Variants in KIF17 observed in about 807,000 individuals in gnomAD.
The protein encoded by KIF17 is kinesin-like protein KIF17.
Under a neutral mutation model 96.8 loss-of-function variants are expected in KIF17, and 80 were observed. The observed-to-expected ratio is 0.83, with a 90% CI of 0.69 to 1.00. The LOEUF (loss-of-function observed/expected upper bound fraction) is 1.00, where lower values mean the gene tolerates loss of function less well. KIF17 is among the 50% of genes least tolerant of loss of function. The probability of loss-of-function intolerance (pLI) is 0.00; values close to 1 mark genes in which losing one functional copy is unlikely to be tolerated. For missense variants in KIF17, 1,280 were observed against 1,372.9 expected (o/e 0.93, Z 1.07); for synonymous variants, 567 against 587.5 (o/e 0.97, Z 0.51).
rs1191720168 is a variant in KIF17, at chr1:20,715,544, G to A, written c.327C>T (p.Ser109=). 41 of 1,613,578 alleles carry A rather than the reference G, an allele frequency of 2.5e-5. No individual in the cohort carries two copies. Among genetic ancestry groups the A allele is most frequent in the Non-Finnish European group, 3.4e-5 (40 of 1,180,044 alleles). ...AGGCCCTGGGGATGATGCCTCTCTG[G>A]GAGGGCGGATCCGGCAGGCCCTGCA... The part of the protein sequence containing the change: ...FTMQGLPDPP[S]QRGIIPRAFE... Residue 109 remains serine, a synonymous_variant, in exon 2 of 15, where the codon TCC becomes TCT. Coordinates refer to ENST00000400463, the MANE Select transcript of KIF17 (RefSeq NM_001122819.3).
intron 6 of KIF17, among the ~76,000 whole-genome samples, chr1:20,694,671 G>A (rs1231650129): frequency 6.6e-6 from 1 of 152,248 alleles, no homozygotes; most frequent in African/African-American, 2.4e-5. Context: ...TAGGGAGGGA[G>A]AGAAGGGGAC....
chr1:20,687,739 G>A lies in KIF17; in HGVS notation c.1587C>T (p.Pro529=), dbSNP rs776735699. Residue 529 remains proline, a synonymous_variant, in exon 8 of 15, where the codon CCC becomes CCT. Coordinates refer to ENST00000400463, the MANE Select transcript of KIF17 (RefSeq NM_001122819.3). The surrounding 1 kb of genome is among the most constrained non-coding windows in gnomAD (Gnocchi z 4.4). ...AGCCCAGAGAAATCTCAGATTTGGA[G>A]GGTTCCACCTTGGGCAGCTCCGCAA... The part of the protein sequence containing the change: ...SRFAELPKVE[P]SKSEISLGSS... 8.1e-6 allele frequency: 13 copies of A among 1,614,198 alleles called. No homozygotes were observed. The South Asian group carries it at 1.3e-4, about 16-fold the overall frequency.
At chr1:20,703,499 C>G (rs6683607) in intron 5 of KIF17, among the ~76,000 whole-genome samples, 13,918 of 146,116 alleles carry the variant, frequency 0.095, 1,377 homozygotes, top group African/African-American at 0.16. Context: ...TGGATGGATG[C>G]ATGGATGGAT....
At position 20,682,755 on chromosome 1, in the gene KIF17, G is replaced by C. The variant is rs1462044202; in HGVS notation, c.2361C>G (p.Asn787Lys). The C allele has an allele frequency of 6.2e-7, 1 of 1,613,264 alleles. No homozygotes were observed. The highest frequency in any genetic ancestry group is 1.7e-5 in the Admixed American group (1 of 60,024). ...RRKQLVAALQNSDEDSGDWVL... is the reference protein window; with the variant it reads ...RRKQLVAALQKSDEDSGDWVL... Reference sequence around the variant, plus strand: ...CCCAGTCCCCGCTGTCCTCATCCGAGTTCTGCAGGGCAGCCACCAGCTGCT... The same window carrying C: ...CCCAGTCCCCGCTGTCCTCATCCGACTTCTGCAGGGCAGCCACCAGCTGCT... Residue 787 changes from asparagine (N) to lysine (K), a missense_variant, in exon 11 of 15, where the codon AAC (asparagine) becomes AAG (lysine). Asn to Lys is a moderately conservative substitution (Grantham distance 94). Transcript: ENST00000400463.
chr1:20,709,605 C>T lies in KIF17; in HGVS notation c.670+34G>A, dbSNP rs200210808. ...TGGCTAGTGGGAGTGGCTGGGTCAT[C>T]TGTCCCCCTGCCCCCAACAATGGCC... On this transcript the variant is annotated intron_variant, in intron 4 of 14. Coordinates refer to ENST00000400463, the MANE Select transcript of KIF17 (RefSeq NM_001122819.3). This position sits in a 1 kb window ranked among gnomAD's most constrained non-coding sequence, Gnocchi z 4.7. 6.8e-6 allele frequency: 11 copies of T among 1,612,296 alleles called. No homozygotes were observed. In the East Asian group the frequency reaches 2.2e-4, roughly 33 times the overall value.
intron 3 of KIF17, among the ~76,000 whole-genome samples, chr1:20,710,648 A>G (rs2054419543): frequency 6.6e-6 from 1 of 152,204 alleles, no homozygotes; most frequent in Admixed American, 6.5e-5. Context: ...TCAGAGCCAC[A>G]GGAGGCTCAG....
intron 4 of KIF17, among the ~76,000 whole-genome samples, chr1:20,706,075 A>G (rs2054336265): frequency 6.7e-6 from 1 of 150,324 alleles, no homozygotes; most frequent in African/African-American, 2.4e-5. Context: ...CGCCTGGCTA[A>G]TTTCTTTCTT....
chr1:20,706,125 C>T (rs1168468542), intron 4 of KIF17, among the ~76,000 whole-genome samples: 5 of 150,942 alleles, frequency 3.3e-5, no homozygotes, highest in Admixed American at 6.6e-5. Flanking sequence ...AGGCTGGTCT[C>T]GAACTGCTGG....
intron 11 of KIF17, among the ~76,000 whole-genome samples, chr1:20,681,432 C>A (rs1384198241): frequency 6.6e-6 from 1 of 151,806 alleles, no homozygotes; most frequent in Non-Finnish European, 1.5e-5. Flanking sequence ...CCTCCAGTGA[C>A]CCTCCCATCT....
At chr1:20,686,206 A>C in intron 8 of KIF17, 80 bp from the exon 9 acceptor site, 1 of 1,228,910 alleles carries the variant, frequency 8.1e-7, no homozygotes, top group Non-Finnish European at 1.2e-6. Context: ...CCCTGGCCTC[A>C]CTTCAACTCC....
At chr1:20,679,803 C>A (rs749304002) in intron 11 of KIF17, among the ~76,000 whole-genome samples, 11 of 152,202 alleles carry the variant, frequency 7.2e-5, no homozygotes, top group Non-Finnish European at 2.9e-5. Context: ...CCTAGAACCT[C>A]CTGAAAGAAG....
At chr1:20,677,444 T>G (rs1161970909) in intron 11 of KIF17, among the ~76,000 whole-genome samples, 1 of 152,172 alleles carries the variant, frequency 6.6e-6, no homozygotes, top group East Asian at 1.9e-4. Context: ...CACAGGCTGT[T>G]TACTACAGCA....
At chr1:20,712,838 A>AGATATAGATAATATTATCTATAT (rs2054489977) in intron 3 of KIF17, among the ~76,000 whole-genome samples, 4 of 39,522 alleles carry the variant, frequency 1.0e-4, no homozygotes, top group African/African-American at 3.3e-4. Flanking sequence ...TATCTATATT[A>AGATATAGATAATATTATCTATAT]TAGATATAGA....
chr1:20,707,232 C>T (rs1341222942), intron 4 of KIF17, among the ~76,000 whole-genome samples: 1 of 152,182 alleles, frequency 6.6e-6, no homozygotes, highest in African/African-American at 2.4e-5. Flanking sequence ...AAATGACTCT[C>T]AGATGAGAAA....
chr1:20,695,640 G>A (rs1013005639), intron 6 of KIF17, among the ~76,000 whole-genome samples: 5 of 151,822 alleles, frequency 3.3e-5, no homozygotes, highest in East Asian at 1.9e-4. Flanking sequence ...AGAACAGGGA[G>A]GTACAGGACT....
At chr1:20,708,874 A>G (rs946400363) in intron 4 of KIF17, among the ~76,000 whole-genome samples, 1 of 152,202 alleles carries the variant, frequency 6.6e-6, no homozygotes, top group African/African-American at 2.4e-5. Flanking sequence ...CCAGAAAAAA[A>G]TAATAATGAG....
intron 10 of KIF17, among the ~76,000 whole-genome samples, chr1:20,683,527 C>T (rs1197355748): frequency 2.0e-5 from 3 of 152,022 alleles, no homozygotes; most frequent in Non-Finnish European, 4.4e-5. Flanking sequence ...TGATGGTGCA[C>T]ACCTGTAATC....
At chr1:20,712,553 ATCT>A (rs2054457536) in intron 3 of KIF17, among the ~76,000 whole-genome samples, 1 of 117,750 alleles carries the variant, frequency 8.5e-6, no homozygotes, top group Non-Finnish European at 1.7e-5. Flanking sequence ...TATAGATATT[ATCT>A]ATATTATATA....
chr1:20,690,764 G>A (rs1192683010), intron 6 of KIF17, among the ~76,000 whole-genome samples: 1 of 151,452 alleles, frequency 6.6e-6, no homozygotes, highest in Non-Finnish European at 1.5e-5. Context: ...TCGGCTCACT[G>A]CAAGCTCTGC....
Sources: allele counts gnomAD v4.1 joint callset (sites outside exome capture counted in the v4.1 genomes callset), GRCh38; gene constraint gnomAD v4.1.1; non-coding constraint Gnocchi (gnomAD v3.1); transcripts MANE v1.5; gene names NCBI Gene and HGNC (gene_info 2026-07-23, HGNC 2026-07-21).